The following SPPL2A variants were observed in gnomAD, a reference collection of about 807,000 sequenced individuals.
SPPL2A encodes the protein signal peptide peptidase-like 2A.
A neutral mutation model predicts 63.8 loss-of-function variants in SPPL2A; 51 were observed. The ratio of observed to expected loss-of-function variants is 0.80; its 90% CI spans 0.64 to 1.01. SPPL2A has a LOEUF of 1.01. Among genes scored for constraint, SPPL2A ranks in the 50% least tolerant of loss-of-function variants. SPPL2A has a pLI of 0.00. For missense variants in SPPL2A, 553 were observed against 622.7 expected, an observed-to-expected ratio of 0.89 and a Z score of 1.19; for synonymous variants, 188 against 205.8, an observed-to-expected ratio of 0.91 and a Z score of 0.74.
Position 50,765,474 on chromosome 15 carries a change from G to C in SPPL2A, c.60C>G (p.Leu20=), listed in dbSNP as rs753607342. The C allele has an allele frequency of 6.6e-7, 1 of 1,504,542 alleles. No individual in the cohort carries two copies. Among genetic ancestry groups the C allele is most frequent in the Non-Finnish European group, 8.8e-7 (1 of 1,134,150 alleles). The allele number at this position is 1,504,542 out of a possible 1,614,324, so 93.2% of individuals were successfully genotyped here. A position where few individuals can be genotyped will look rare whatever the true frequency, so the allele number is the denominator to read the frequency against. ...CGCCTTCCCGCCCCCTTACCAGCTG[G>C]AGCAGGAAGCCCCAGAGTAGGGCGG... ...AGAALLWGFL[L]QLTAAQEAIL... The change falls in exon 1 of 15, where the codon CTC becomes CTG. Residue 20 remains leucine (L), a synonymous_variant. Coordinates refer to ENST00000261854, the MANE Select transcript of SPPL2A (RefSeq NM_032802.4).
At chr15:50,731,927 C>CAA (rs60624824) in intron 9 of SPPL2A, among the ~76,000 whole-genome samples, 1 of 64,206 alleles carries the variant, frequency 1.6e-5, no homozygotes, top group Non-Finnish European at 2.7e-5. Flanking sequence ...GACTCCATCT[C>CAA]AAAAAAAAAA....
chr15:50,750,669 T>C (rs1232299524), intron 1 of SPPL2A, among the ~76,000 whole-genome samples: 1 of 152,170 alleles, frequency 6.6e-6, no homozygotes, highest in Non-Finnish European at 1.5e-5. Flanking sequence ...AAGAAGTGAT[T>C]GGAAAGAATA....
At chr15:50,752,805 T>A (rs560813562) in intron 1 of SPPL2A, among the ~76,000 whole-genome samples, 2 of 152,188 alleles carry the variant, frequency 1.3e-5, no homozygotes, top group East Asian at 3.9e-4. Context: ...GCTGACCTTG[T>A]CCTTTATCTG....
intron 1 of SPPL2A, among the ~76,000 whole-genome samples, chr15:50,761,597 C>G (rs1239448641): frequency 6.6e-6 from 1 of 151,846 alleles, no homozygotes; most frequent in East Asian, 1.9e-4. Context: ...GCCTGGGCAA[C>G]AAGAGTGAAA....
chr15:50,709,031 C>T (rs553548169), intron 14 of SPPL2A, among the ~76,000 whole-genome samples: 1 of 149,856 alleles, frequency 6.7e-6, no homozygotes, highest in East Asian at 1.9e-4. Flanking sequence ...AGCGAGACTC[C>T]GACCAAAAAA....
chr15:50,735,125 G>A (rs576041911), intron 8 of SPPL2A, among the ~76,000 whole-genome samples: 73 of 151,410 alleles, frequency 4.8e-4, no homozygotes, highest in Non-Finnish European at 5.3e-4. Flanking sequence ...GGGTGGTCTC[G>A]AACTCCTGAC....
At chr15:50,734,363 G>A (rs1334987383) in intron 8 of SPPL2A, among the ~76,000 whole-genome samples, 1 of 152,112 alleles carries the variant, frequency 6.6e-6, no homozygotes, top group African/African-American at 2.4e-5. Context: ...CATTTGCAAA[G>A]ACATGGATGG....
intron 1 of SPPL2A, 124 bp from the exon 2 acceptor site, chr15:50,749,870 ATTTG>A (rs1315251423): frequency 3.0e-6 from 2 of 662,792 alleles, no homozygotes; most frequent in Admixed American, 5.0e-5. Flanking sequence ...TCTTCCATGA[ATTTG>A]TTTCTTCTTG....
chr15:50,736,238 G>A, intron 7 of SPPL2A, 36 bp from the exon 8 acceptor site: 1 of 1,170,758 alleles, frequency 8.5e-7, no homozygotes, highest in Non-Finnish European at 1.3e-6. Context: ...CACTGCAGAT[G>A]AAGTACAATG....
chr15:50,714,181 ACGCTTTT>A (rs2062582044), intron 14 of SPPL2A, among the ~76,000 whole-genome samples: 1 of 152,240 alleles, frequency 6.6e-6, no homozygotes, highest in South Asian at 2.1e-4. Flanking sequence ...ATGTTTTTAT[ACGCTTTT>A]AAACAGATTT....
At chr15:50,756,233 C>T (rs944408107) in intron 1 of SPPL2A, among the ~76,000 whole-genome samples, 4 of 151,360 alleles carry the variant, frequency 2.6e-5, no homozygotes, top group South Asian at 2.1e-4. Context: ...TGGTGGTGGG[C>T]GCCTGTAGAC....
intron 12 of SPPL2A, 111 bp from the exon 13 acceptor site, chr15:50,722,312 G>C: frequency 1.6e-6 from 1 of 608,084 alleles, no homozygotes; most frequent in Non-Finnish European, 2.9e-6. Context: ...TGCATTATAA[G>C]AACATTCAAG....
intron 1 of SPPL2A, among the ~76,000 whole-genome samples, chr15:50,763,232 G>A (rs981753139): frequency 6.6e-6 from 1 of 152,020 alleles, no homozygotes; most frequent in African/African-American, 2.4e-5. Flanking sequence ...TATCCAGAAA[G>A]GAGAAAGAAC....
chr15:50,758,132 CAA>C (rs573951583), intron 1 of SPPL2A, among the ~76,000 whole-genome samples: 1 of 147,932 alleles, frequency 6.8e-6, no homozygotes, highest in Non-Finnish European at 1.5e-5. Flanking sequence ...ACTAAAAATA[CAA>C]AAAAATTAGC....
At chr15:50,731,108 T>C in intron 9 of SPPL2A, 69 bp from the exon 10 acceptor site, 1 of 682,978 alleles carries the variant, frequency 1.5e-6, no homozygotes, top group Non-Finnish European at 2.6e-6. Context: ...AAATTGTTTT[T>C]CAAGTGCAAA....
At chr15:50,763,098 T>C (rs1227533744) in intron 1 of SPPL2A, among the ~76,000 whole-genome samples, 1 of 151,874 alleles carries the variant, frequency 6.6e-6, no homozygotes, top group Non-Finnish European at 1.5e-5. Context: ...TGAGCTGGCA[T>C]CACTAATCAA....
intron 5 of SPPL2A, among the ~76,000 whole-genome samples, chr15:50,740,859 C>G (rs1339066904): frequency 6.6e-6 from 1 of 152,128 alleles, no homozygotes; most frequent in Non-Finnish European, 1.5e-5. Flanking sequence ...CCACCCACCT[C>G]AGCCTCCCAA....
intron 1 of SPPL2A, among the ~76,000 whole-genome samples, chr15:50,751,037 T>C (rs1405439709): frequency 6.6e-6 from 1 of 152,228 alleles, no homozygotes; most frequent in Admixed American, 6.5e-5. Flanking sequence ...CTCTGTTACC[T>C]AAAATGTCCC....
chr15:50,736,864 C>T (rs1296099648), intron 6 of SPPL2A, 124 bp from the exon 7 acceptor site: 4 of 527,484 alleles, frequency 7.6e-6, no homozygotes, highest in East Asian at 6.6e-5. Flanking sequence ...AGTGACTATA[C>T]GATGACCTGA....
Sources: gnomAD v4.1 joint callset for allele counts (sites outside exome capture counted in the v4.1 genomes callset) on GRCh38, gnomAD v4.1.1 for gene constraint, MANE v1.5 for transcripts, NCBI Gene and HGNC (gene_info 2026-07-23, HGNC 2026-07-21) for gene names.